Variants in FAM20A observed in about 807,000 individuals in gnomAD.
FAM20A encodes pseudokinase FAM20A.
Under a neutral mutation model 52.0 loss-of-function variants are expected in FAM20A, and 42 were observed. That is an observed-to-expected ratio of 0.81 (90% CI 0.63 to 1.04). The LOEUF (loss-of-function observed/expected upper bound fraction) is 1.04. Among genes scored for constraint, FAM20A ranks in the 50% least tolerant of loss-of-function variants. The pLI is 0.00. For missense variants in FAM20A, 742 were observed against 712.7 expected (o/e 1.04, Z -0.47); for synonymous variants, 304 against 298.9 (o/e 1.02, Z -0.18).
At chr17:68,578,860 A>G (rs2087853130) in intron 1 of FAM20A, among the ~76,000 whole-genome samples, 1 of 12,408 alleles carries the variant, frequency 8.1e-5, no homozygotes, top group African/African-American at 3.2e-4. Context: ...AAAAAAAAAA[A>G]AAAAAATTAC....
At chr17:68,582,001 A>G (rs1432925111) in intron 1 of FAM20A, among the ~76,000 whole-genome samples, 2 of 152,190 alleles carry the variant, frequency 1.3e-5, no homozygotes, top group African/African-American at 2.4e-5. Context: ...AGTGGTCAGC[A>G]CTGTGCTTAA....
chr17:68,597,308 T>A (rs2088481420), intron 1 of FAM20A, among the ~76,000 whole-genome samples: 1 of 152,044 alleles, frequency 6.6e-6, no homozygotes, highest in African/African-American at 2.4e-5. Context: ...TTCTCTGTAC[T>A]TCTCCTGGTG....
chr17:68,540,645 C>T (rs2086244804), intron 8 of FAM20A: 3 of 694,760 alleles, frequency 4.3e-6, no homozygotes, highest in Admixed American at 4.1e-5. Context: ...GAGTGACGAC[C>T]CCTTGAGCTT....
At chr17:68,579,277 C>T (rs2143843238) in intron 1 of FAM20A, among the ~76,000 whole-genome samples, 1 of 152,142 alleles carries the variant, frequency 6.6e-6, no homozygotes, top group South Asian at 2.1e-4. Flanking sequence ...TAATCCTGTG[C>T]TTGAACTTGA....
At chr17:68,578,350 C>T (rs1363495762) in intron 1 of FAM20A, among the ~76,000 whole-genome samples, 2 of 152,164 alleles carry the variant, frequency 1.3e-5, no homozygotes, top group Non-Finnish European at 2.9e-5. Context: ...TTTCATGGTT[C>T]ATAAGCAAAT....
intron 1 of FAM20A, among the ~76,000 whole-genome samples, chr17:68,598,342 C>T (rs2088514964): frequency 1.3e-5 from 2 of 152,284 alleles, no homozygotes; most frequent in South Asian, 2.1e-4. Flanking sequence ...AGTAACAACA[C>T]ATCTGCTTAT....
In FAM20A at chr17:68,573,449, T is replaced by TTTC. The variant is rs1181826508; in HGVS notation, c.405-17709_405-17707dup. 6.5e-3 allele frequency among the ~76,000 whole-genome samples: 801 copies of TTTC among 122,320 alleles called. 6 individuals are homozygous for TTTC. Among genetic ancestry groups the TTTC allele is most frequent in the African/African-American group, 0.022 (748 of 34,304 alleles). The allele number at this position is 122,320 out of a possible 152,430, so 80.2% of individuals were successfully genotyped here. On this transcript the variant is annotated intron_variant, in intron 1 of 10. Coordinates refer to ENST00000592554, the MANE Select transcript of FAM20A (RefSeq NM_017565.4). Reference sequence around the variant, plus strand: ...TCTTTCCTTTCTCTTTCTTTCTTTCTTTCTTTCTTCTTTCTTTCTTTCTTT... The same window carrying TTTC: ...TCTTTCCTTTCTCTTTCTTTCTTTCTTTCTTCTTTCTTCTTTCTTTCTTTCTTT...
In FAM20A at chr17:68,600,373, G is replaced by A; in HGVS notation, c.294C>T (p.His98=). 6.2e-7 allele frequency: 1 copy of A among 1,606,396 alleles called. No individual in the cohort carries two copies. Among genetic ancestry groups the A allele is most frequent in the Non-Finnish European group, 8.5e-7 (1 of 1,177,338 alleles). The change falls in exon 1 of 11, where the codon CAC becomes CAT. Residue 98 remains histidine (H), a synonymous_variant. Coordinates refer to ENST00000592554, the MANE Select transcript of FAM20A (RefSeq NM_017565.4). The surrounding 1 kb of genome is among the most constrained non-coding windows in gnomAD (Gnocchi z 6.2). ...GCTCCTCCGGGACGTTGTACAGCGG[G>A]TGGGCGAAGAGGGCCTGCAACTTGG... is the stretch of plus-strand genomic sequence containing the variant. ...SSSKLQALFA[H]PLYNVPEEPP...
At chr17:68,551,821 C>T in intron 4 of FAM20A, 52 bp downstream of exon 4, 1 of 1,382,610 alleles carries the variant, frequency 7.2e-7, no homozygotes, top group Non-Finnish European at 1.0e-6. Flanking sequence ...TGGTCCAAAT[C>T]TTCCCAGGGC....
In FAM20A at chr17:68,568,793, G is replaced by C. The variant is rs114354529; in HGVS notation, c.405-13050C>G. Among the ~76,000 whole-genome samples the C allele has an allele frequency of 6.5e-3, 941 of 145,398 alleles. 27 individuals carry two copies. The highest frequency in any genetic ancestry group is 0.022 in the African/African-American group (869 of 39,456). On this transcript the variant is annotated intron_variant, in intron 1 of 10. Transcript: ENST00000592554. Reference sequence around the variant, plus strand: ...GCATTGAGATACCCAGATAATCCAGGTTTATCTCTTCATCTCAAGATTCTT... The same window carrying C: ...GCATTGAGATACCCAGATAATCCAGCTTTATCTCTTCATCTCAAGATTCTT...
At chr17:68,594,985 G>A (rs1354973010) in intron 1 of FAM20A, among the ~76,000 whole-genome samples, 1 of 152,220 alleles carries the variant, frequency 6.6e-6, no homozygotes, top group Non-Finnish European at 1.5e-5. Context: ...ACTAGGAGAG[G>A]TGTGTATGCC....
At chr17:68,564,311 T>A (rs560369449) in intron 1 of FAM20A, among the ~76,000 whole-genome samples, 1 of 152,286 alleles carries the variant, frequency 6.6e-6, no homozygotes, top group East Asian at 1.9e-4. Flanking sequence ...TTAAGTGCAG[T>A]AATATTCAAC....
intron 3 of FAM20A, 86 bp downstream of exon 3, chr17:68,554,691 C>T: frequency 7.4e-7 from 1 of 1,350,734 alleles, no homozygotes; most frequent in Non-Finnish European, 1.1e-6. Context: ...TCCACTCTTG[C>T]CCAAGGTCGC....
intron 3 of FAM20A, among the ~76,000 whole-genome samples, chr17:68,554,079 T>A (rs1026218268): frequency 6.9e-6 from 1 of 145,170 alleles, no homozygotes; most frequent in Non-Finnish European, 1.5e-5. Context: ...TATACACACA[T>A]ATATACATAT....
At position 68,600,156 on chromosome 17, in the gene FAM20A, G is replaced by A; in HGVS notation, c.404+107C>T. 1 of 1,322,418 alleles carries A rather than the reference G, an allele frequency of 7.6e-7. No individual in the cohort carries two copies. The highest frequency in any genetic ancestry group is 1.0e-6 in the Non-Finnish European group (1 of 981,874). The allele number at this position is 1,322,418 out of a possible 1,614,324, so 81.9% of individuals were successfully genotyped here. On this transcript the variant is annotated intron_variant, in intron 1 of 10. Transcript: ENST00000592554. The surrounding 1 kb of genome is among the most constrained non-coding windows in gnomAD (Gnocchi z 6.2). ...CAGCGCCAGGGCTGGAGCCGTGGGT[G>A]GAGCCGCTGCAGCCCTGGGCCGGGG...
At chr17:68,566,569 C>G (rs12603503) in intron 1 of FAM20A, among the ~76,000 whole-genome samples, 19,930 of 152,142 alleles carry the variant, frequency 0.13, 2,486 homozygotes, top group African/African-American at 0.31. Flanking sequence ...TTAGGCAATG[C>G]TACAGCAGGG....
Position 68,535,137 on chromosome 17 carries a change from T to C in FAM20A, c.*2340A>G, listed in dbSNP as rs1424521169. ...GTTCTCAGAGTCAAGAGACTTTTTA[T>C]TTCATGGGAGGTAAACAGTTCAAAA... On this transcript the variant is annotated 3_prime_UTR_variant, in exon 11 of 11. Coordinates refer to ENST00000592554, the MANE Select transcript of FAM20A (RefSeq NM_017565.4). The C allele has an allele frequency of 2.7e-6, 1 of 372,544 alleles. No individual in the cohort carries two copies. Among genetic ancestry groups the C allele is most frequent in the African/African-American group, 2.1e-5 (1 of 47,046 alleles). The allele number at this position is 372,544 out of a possible 1,614,324, so 23.1% of individuals were successfully genotyped here. A position where few individuals can be genotyped will look rare whatever the true frequency, so the allele number is the denominator to read the frequency against.
chr17:68,540,452 G>A (rs2086234218), intron 8 of FAM20A: 1 of 467,918 alleles, frequency 2.1e-6, no homozygotes. Context: ...AGAAGTCCCT[G>A]TGGGCCTGGA....
chr17:68,573,496 TTCTC>T (rs576809894), intron 1 of FAM20A, among the ~76,000 whole-genome samples: 46 of 151,220 alleles, frequency 3.0e-4, no homozygotes, highest in African/African-American at 1.1e-3. Flanking sequence ...TTTCCTTTCT[TTCTC>T]TCTCTTTCTC....
Sources: gnomAD v4.1 joint callset for allele counts (sites outside exome capture counted in the v4.1 genomes callset) on GRCh38, gnomAD v4.1.1 for gene constraint, Gnocchi (gnomAD v3.1) non-coding constraint, MANE v1.5 for transcripts, NCBI Gene and HGNC (gene_info 2026-07-23, HGNC 2026-07-21) for gene names.